CCT2: variants seen among roughly 807,000 people sequenced by gnomAD.
CCT2 encodes the protein chaperonin containing TCP1 subunit 2, also known as T-complex protein 1 subunit beta.
In CCT2, 18 loss-of-function variants were observed where a neutral mutation model predicts 61.8. That is an observed-to-expected ratio of 0.29 (90% CI 0.20 to 0.43). CCT2 has a LOEUF of 0.43. Ranked by LOEUF, CCT2 falls within the 20% of genes least tolerant of loss-of-function variation. CCT2 has a pLI of 1.00. For missense variants in CCT2, 556 were observed against 656.9 expected, an observed-to-expected ratio of 0.85 and a Z score of 1.68; for synonymous variants, 248 against 215.9, an observed-to-expected ratio of 1.15 and a Z score of -1.30.
In CCT2 at chr12:69,593,502, A is replaced by T. The variant is rs1243483455; in HGVS notation, c.879-8A>T. The T allele has an allele frequency of 1.9e-6, 3 of 1,563,532 alleles. No homozygotes were observed. In the South Asian group the frequency reaches 3.4e-5, roughly 18 times the overall value. ...TGAGCATAATGTTTTCATGTATTTTATTTACAGGCAATTAATTTATAATTA... is the reference window on the plus strand; with the variant it reads ...TGAGCATAATGTTTTCATGTATTTTTTTTACAGGCAATTAATTTATAATTA... On this transcript the variant is annotated splice_polypyrimidine_tract_variant and splice_region_variant and intron_variant, in intron 9 of 15. Transcript: ENST00000299300.
At chr12:69,591,869 C>T (rs933243213) in intron 7 of CCT2, among the ~76,000 whole-genome samples, 190 bp from the exon 8 acceptor site, 10 of 147,180 alleles carry the variant, frequency 6.8e-5, no homozygotes, top group Non-Finnish European at 1.1e-4. Flanking sequence ...GCGCTAAAAG[C>T]CTAAAAGCAA....
chr12:69,599,721 A>T lies in CCT2; in HGVS notation c.1436-142A>T. The T allele has an allele frequency of 1.8e-6, 1 of 566,334 alleles. No individual in the cohort carries two copies. Among genetic ancestry groups the T allele is most frequent in the Non-Finnish European group, 2.9e-6 (1 of 346,514 alleles). The allele number at this position is 566,334 out of a possible 1,614,324, so 35.1% of individuals were successfully genotyped here. On this transcript the variant is annotated intron_variant, in intron 14 of 15. Transcript: ENST00000299300. ...TTTTTTAAAGGCTTTCTTTGAGCTC[A>T]TTTGTAGGCTTATCTACCTACTGAG...
chr12:69,589,425 C>G, intron 6 of CCT2, 60 bp from the exon 7 acceptor site: 1 of 1,164,378 alleles, frequency 8.6e-7, no homozygotes, highest in Non-Finnish European at 1.3e-6. Context: ...ACATGAATAT[C>G]TAGATAAATT....
chr12:69,589,995 T>C (rs1426449855), intron 7 of CCT2, among the ~76,000 whole-genome samples: 1 of 152,246 alleles, frequency 6.6e-6, no homozygotes, highest in African/African-American at 2.4e-5. Flanking sequence ...ACCAGGATTA[T>C]ATGTATTCTC....
At chr12:69,595,437 C>A (rs1485533696) in intron 10 of CCT2, among the ~76,000 whole-genome samples, 1 of 151,970 alleles carries the variant, frequency 6.6e-6, no homozygotes, top group Non-Finnish European at 1.5e-5. Context: ...GCCTTTAATC[C>A]CAGCACTTTA....
Position 69,600,037 on chromosome 12 carries a change from A to G in CCT2, c.1577+33A>G. 4.5e-6 allele frequency: 7 copies of G among 1,569,080 alleles called. No homozygotes were observed. In the South Asian group the frequency reaches 6.1e-5, roughly 14 times the overall value. ...AACACTTTTCTCAGAAAAAATTACT[A>G]ACAGCAAAACAAAATAGGGAGCTGT... On this transcript the variant is annotated intron_variant, in intron 15 of 15. Coordinates refer to ENST00000299300, the MANE Select transcript of CCT2 (RefSeq NM_006431.3).
Position 69,597,137 on chromosome 12 carries a change from T to C in CCT2, c.983-19T>C, listed in dbSNP as rs754913730. 6 of 1,611,020 alleles carry C rather than the reference T, an allele frequency of 3.7e-6. No homozygotes were observed. Among genetic ancestry groups the C allele is most frequent in the East Asian group, 2.2e-5 (1 of 44,782 alleles). ...TTAAGCCTGCTGTGCATTTAACTAA[T>C]ACATGTTTATGTTTATAGGTGGTGA... On this transcript the variant is annotated intron_variant, in intron 10 of 15. Coordinates refer to ENST00000299300, the MANE Select transcript of CCT2 (RefSeq NM_006431.3).
At chr12:69,599,645 C>T (rs1565802982) in intron 14 of CCT2, 2 of 282,120 alleles carry the variant, frequency 7.1e-6, no homozygotes, top group Non-Finnish European at 1.3e-5. Context: ...CCTCAGCCTC[C>T]CAAAGTGCTG....
intron 6 of CCT2, 32 bp downstream of exon 6, chr12:69,588,294 A>G (rs1399324908): frequency 7.0e-7 from 1 of 1,429,376 alleles, no homozygotes; most frequent in Non-Finnish European, 9.9e-7. Context: ...TGTTCTAAAC[A>G]TTTAGTGTTC....
Position 69,597,757 on chromosome 12 carries a change from T to C in CCT2, c.1222T>C (p.Tyr408His), listed in dbSNP as rs780457695. 1 of 1,611,724 alleles carries C rather than the reference T, an allele frequency of 6.2e-7. No individual in the cohort carries two copies. Among genetic ancestry groups the C allele is most frequent in the South Asian group, 1.1e-5 (1 of 90,570 alleles). Reference protein sequence around the residue: ...AQTVKDSRTVYGGGCSEMLMA... With the variant: ...AQTVKDSRTVHGGGCSEMLMA... ...AACTGTAAAGGACTCTAGAACAGTTTATGGAGGAGGTAAGCATTTAGAAAA... is the reference window on the plus strand; with the variant it reads ...AACTGTAAAGGACTCTAGAACAGTTCATGGAGGAGGTAAGCATTTAGAAAA... The change falls in exon 12 of 16, where the codon TAT (tyrosine) becomes CAT (histidine). Residue 408 changes from tyrosine to histidine, a missense_variant. By Grantham distance (83) the Tyr-to-His change is moderately conservative (BLOSUM62 2). Transcript: ENST00000299300.
In CCT2 at chr12:69,585,481, G is replaced by C. The variant is rs375855066; in HGVS notation, c.-41G>C. The C allele has an allele frequency of 6.4e-7, 1 of 1,557,284 alleles. No individual in the cohort carries two copies. Among genetic ancestry groups the C allele is most frequent in the South Asian group, 1.2e-5 (1 of 84,496 alleles). ...TTCAGTCCGCTGGTCCCGAGCACGA[G>C]CTGTGAGGGGATTCACTTGTGTGCG... On this transcript the variant is annotated 5_prime_UTR_variant, in exon 1 of 16. Coordinates refer to ENST00000299300, the MANE Select transcript of CCT2 (RefSeq NM_006431.3).
chr12:69,586,524 C>T (rs1017918543), intron 2 of CCT2, among the ~76,000 whole-genome samples, 180 bp downstream of exon 2: 9 of 152,138 alleles, frequency 5.9e-5, no homozygotes, highest in African/African-American at 2.2e-4. Flanking sequence ...AAAAATTAGC[C>T]GGGCGTGGTG....
chr12:69,586,594 G>C (rs943958575), intron 2 of CCT2, among the ~76,000 whole-genome samples, 159 bp from the exon 3 acceptor site: 2 of 152,030 alleles, frequency 1.3e-5, no homozygotes, highest in African/African-American at 4.8e-5. Flanking sequence ...CTTGAACCCA[G>C]GAGGCGGAGG....
At chr12:69,599,813 T>C (rs1565803025) in intron 14 of CCT2, 50 bp from the exon 15 acceptor site, 2 of 1,477,352 alleles carry the variant, frequency 1.4e-6, no homozygotes, top group Non-Finnish European at 1.9e-6. Context: ...TAGAGATGTT[T>C]TGATACTTTA....
intron 14 of CCT2, 181 bp from the exon 15 acceptor site, chr12:69,599,682 C>T (rs925340712): frequency 5.3e-4 from 228 of 433,080 alleles, no homozygotes; most frequent in Non-Finnish European, 8.7e-4. Context: ...CCGCTGCACC[C>T]GGCCCCTTTT....
At chr12:69,597,405 T>TC in intron 11 of CCT2, 130 bp downstream of exon 11, 1 of 1,214,890 alleles carries the variant, frequency 8.2e-7, no homozygotes, top group Non-Finnish European at 1.2e-6. Context: ...GATACATACT[T>TC]TGTTTCAGTC....
intron 7 of CCT2, among the ~76,000 whole-genome samples, chr12:69,590,283 T>G (rs1881795501): frequency 6.6e-6 from 1 of 152,172 alleles, no homozygotes; most frequent in Non-Finnish European, 1.5e-5. Flanking sequence ...GGGATTTTGG[T>G]GTATGTGGGC....
intron 1 of CCT2, 101 bp downstream of exon 1, chr12:69,585,625 G>T (rs1021034368): frequency 6.5e-7 from 1 of 1,547,498 alleles, no homozygotes. Context: ...CTCCGTTTCT[G>T]TCTCCCCGGC....
At chr12:69,589,773 C>A in intron 7 of CCT2, 86 bp downstream of exon 7, 1 of 1,056,888 alleles carries the variant, frequency 9.5e-7, no homozygotes, top group Admixed American at 2.0e-5. Context: ...ACCAGTGACC[C>A]TTTACAAAGC....
Sources: gnomAD v4.1 joint callset for allele counts (sites outside exome capture counted in the v4.1 genomes callset) on GRCh38, gnomAD v4.1.1 for gene constraint, MANE v1.5 for transcripts, NCBI Gene and HGNC (gene_info 2026-07-23, HGNC 2026-07-21) for gene names.